GTF2I: variants seen among roughly 807,000 people sequenced by gnomAD.
The protein encoded by GTF2I is general transcription factor IIi.
Under a neutral mutation model 67.6 loss-of-function variants are expected in GTF2I, and 12 were observed. That is an observed-to-expected ratio of 0.18 (90% confidence interval 0.11 to 0.29). GTF2I has a LOEUF of 0.29. Among genes scored for constraint, GTF2I ranks in the 10% least tolerant of loss-of-function variants. The pLI, the probability that GTF2I is intolerant of heterozygous loss-of-function variation, is 1.00. For synonymous variants in GTF2I, 149 were observed against 197.0 expected (o/e 0.76, Z 2.04); for missense variants, 271 against 580.1 (o/e 0.47, Z 5.47).
intron 8 of GTF2I, among the ~76,000 whole-genome samples, chr7:74,708,390 A>C (rs77010968): frequency 6.6e-6 from 1 of 151,864 alleles, no homozygotes; most frequent in South Asian, 2.1e-4. Context: ...GTTTTTTTTA[A>C]GGAACAATTC....
chr7:74,690,933 A>G (rs370946646), intron 2 of GTF2I, 40 bp from the exon 3 acceptor site: 2 of 1,584,982 alleles, frequency 1.3e-6, no homozygotes, highest in Non-Finnish European at 1.7e-6. Context: ...ATGCTCTTAA[A>G]CGTCCGCCTG....
chr7:74,674,210 C>G (rs1479017213), intron 1 of GTF2I, among the ~76,000 whole-genome samples: 1 of 151,526 alleles, frequency 6.6e-6, no homozygotes, highest in Non-Finnish European at 1.5e-5. Flanking sequence ...GCTGGGACAA[C>G]AGGCGTGTAC....
chr7:74,669,934 T>A (rs1218585926), intron 1 of GTF2I, among the ~76,000 whole-genome samples: 1 of 152,186 alleles, frequency 6.6e-6, no homozygotes. Flanking sequence ...CATACTTCAT[T>A]TCAAAGCAGT....
At chr7:74,662,359 C>T (rs1156353871) in intron 1 of GTF2I, among the ~76,000 whole-genome samples, 4 of 151,052 alleles carry the variant, frequency 2.6e-5, no homozygotes, top group Admixed American at 1.3e-4. Flanking sequence ...CATAGGCATG[C>T]GCCACCATGC....
At chr7:74,714,819 G>T in intron 9 of GTF2I, 38 bp from the exon 10 acceptor site, 1 of 1,437,002 alleles carries the variant, frequency 7.0e-7, no homozygotes, top group Non-Finnish European at 9.5e-7. Context: ...TTTTTTTGGG[G>T]GGGATTACTT....
At chr7:74,692,484 G>A (rs1341443391) in intron 3 of GTF2I, among the ~76,000 whole-genome samples, 1 of 152,200 alleles carries the variant, frequency 6.6e-6, no homozygotes, top group Non-Finnish European at 1.5e-5. Flanking sequence ...TCACAGATAC[G>A]AGTCACCTTA....
intron 1 of GTF2I, among the ~76,000 whole-genome samples, chr7:74,666,630 G>C (rs1427649923): frequency 6.6e-6 from 1 of 151,724 alleles, no homozygotes; most frequent in Admixed American, 6.6e-5. Context: ...TCAGGAGTTT[G>C]AGACCAGCCT....
At chr7:74,683,884 G>C (rs1431860286) in intron 1 of GTF2I, among the ~76,000 whole-genome samples, 15 of 151,960 alleles carry the variant, frequency 9.9e-5, no homozygotes, top group African/African-American at 3.6e-4. Flanking sequence ...TTAAAAACTC[G>C]TACCTAGTTG....
intron 9 of GTF2I, among the ~76,000 whole-genome samples, chr7:74,711,855 C>T (rs147403275): frequency 6.6e-6 from 1 of 152,042 alleles, no homozygotes; most frequent in Non-Finnish European, 1.5e-5. Context: ...CTGTTGATAG[C>T]CATTTGGGTT....
chr7:74,695,343 C>T (rs1224627043), intron 3 of GTF2I, among the ~76,000 whole-genome samples: 1 of 152,172 alleles, frequency 6.6e-6, no homozygotes, highest in Non-Finnish European at 1.5e-5. Flanking sequence ...TGAAATGCTA[C>T]CAAATAGCCT....
intron 3 of GTF2I, among the ~76,000 whole-genome samples, chr7:74,691,363 C>A (rs782806089): frequency 2.6e-5 from 4 of 152,126 alleles, no homozygotes; most frequent in Non-Finnish European, 2.9e-5. Context: ...CGCGCCAGCA[C>A]GCCTGGCTAA....
At chr7:74,728,432 T>G (rs1276281511) in intron 12 of GTF2I, among the ~76,000 whole-genome samples, 1 of 147,492 alleles carries the variant, frequency 6.8e-6, no homozygotes, top group Admixed American at 6.9e-5. Context: ...TTTATAACTT[T>G]AGGTGGCTGT....
intron 1 of GTF2I, among the ~76,000 whole-genome samples, chr7:74,675,624 CTT>C (rs1375698329): frequency 6.6e-6 from 1 of 151,922 alleles, no homozygotes; most frequent in Admixed American, 6.6e-5. Context: ...CCCTTGAAAA[CTT>C]AATGTTTTTC....
intron 3 of GTF2I, among the ~76,000 whole-genome samples, chr7:74,691,901 C>T (rs1162649652): frequency 6.6e-6 from 1 of 151,680 alleles, no homozygotes; most frequent in African/African-American, 2.4e-5. Flanking sequence ...CTCATCCTCC[C>T]GAGTAGCTGG....
chr7:74,700,225 A>G (rs1554399472), intron 4 of GTF2I, 22 bp from the exon 5 acceptor site: 2 of 1,609,692 alleles, frequency 1.2e-6, no homozygotes, highest in African/African-American at 2.7e-5. Context: ...AATGATGTTC[A>G]TCCGCTTTTC....
intron 18 of GTF2I, among the ~76,000 whole-genome samples, chr7:74,737,173 A>G (rs1355438754): frequency 6.7e-6 from 1 of 148,640 alleles, no homozygotes; most frequent in Non-Finnish European, 1.5e-5. Flanking sequence ...AGCCTGGGCA[A>G]CAGAGCGAGA....
At chr7:74,729,747 G>A (rs1554406338) in intron 13 of GTF2I, among the ~76,000 whole-genome samples, 1 of 145,838 alleles carries the variant, frequency 6.9e-6, no homozygotes, top group Admixed American at 6.9e-5. Flanking sequence ...CAAAGTGCTG[G>A]GATTACAGGC....
At chr7:74,717,010 T>A in intron 11 of GTF2I, 60 bp downstream of exon 11, 1 of 1,547,090 alleles carries the variant, frequency 6.5e-7, no homozygotes, top group East Asian at 2.3e-5. Flanking sequence ...TTCTATTTTA[T>A]AGATTCTATT....
intron 12 of GTF2I, chr7:74,726,629 A>T (rs782293594): frequency 1.3e-5 from 2 of 152,298 alleles, no homozygotes; most frequent in Non-Finnish European, 2.9e-5. Flanking sequence ...GGATCACTTG[A>T]GGCCAGGAGT....
Sources: gnomAD v4.1 joint callset for allele counts (sites outside exome capture counted in the v4.1 genomes callset) on GRCh38, gnomAD v4.1.1 for gene constraint, MANE v1.5 for transcripts, NCBI Gene and HGNC (gene_info 2026-07-23, HGNC 2026-07-21) for gene names.